Variants in SLC35B2 observed in about 807,000 individuals in gnomAD.
SLC35B2 encodes adenosine 3'-phospho 5'-phosphosulfate transporter 1.
Under a neutral mutation model 37.9 loss-of-function variants are expected in SLC35B2, and 19 were observed. The observed-to-expected ratio is 0.50, with a 90% CI of 0.35 to 0.74. SLC35B2 has a LOEUF of 0.74. SLC35B2 is among the 30% of genes least tolerant of loss of function. The pLI, the probability that SLC35B2 is intolerant of heterozygous loss-of-function variation, is 0.01. For synonymous variants in SLC35B2, 277 were observed against 225.2 expected (o/e 1.23, Z -2.06); for missense variants, 633 against 547.6 (o/e 1.16, Z -1.56).
At position 44,254,915 on chromosome 6, in the gene SLC35B2, C is replaced by T; in HGVS notation, c.1090G>A (p.Ala364Thr). The T allele has an allele frequency of 6.2e-7, 1 of 1,614,176 alleles. No homozygotes were observed. Among genetic ancestry groups the T allele is most frequent in the Non-Finnish European group, 8.5e-7 (1 of 1,180,024 alleles). The change falls in exon 4 of 4, where the codon GCT becomes ACT. Residue 364 changes from alanine (A) to threonine (T), a missense_variant. By Grantham distance (58) the Ala-to-Thr change is moderately conservative. Transcript: ENST00000393812. ...FIFYTIGQFGAAVFTIIMTLR... is the reference protein window; with the variant it reads ...FIFYTIGQFGTAVFTIIMTLR... ...GTCATGATGATGGTGAAGACGGCAG[C>T]CCCAAACTGCCCAATGGTGTAAAAG...
In SLC35B2 at chr6:44,257,454, T is replaced by G. The variant is rs1273350138; in HGVS notation, c.-44A>C. On this transcript the variant is annotated 5_prime_UTR_variant, in exon 1 of 4. Transcript: ENST00000393812. ...TGGAGGGGGAACCGGGGAATGCGAGTCCCCGGGCCGCGCGCCCCCTGCGCT... is the reference window on the plus strand; with the variant it reads ...TGGAGGGGGAACCGGGGAATGCGAGGCCCCGGGCCGCGCGCCCCCTGCGCT... 2 of 1,244,684 alleles carry G rather than the reference T, an allele frequency of 1.6e-6. No homozygotes were observed. The highest frequency in any genetic ancestry group is 2.0e-6 in the Non-Finnish European group (2 of 987,672). The allele number at this position is 1,244,684 out of a possible 1,614,324, so 77.1% of individuals were successfully genotyped here.
rs760851221 is a variant in SLC35B2, at chr6:44,254,784, GAGC to G, written c.1218_1220del (p.Leu407del). On this transcript the variant is annotated inframe_deletion, in exon 4 of 4. Transcript: ENST00000393812. ...TTAGACGGCCCCGCGCGTAGACTCT[GAGC>G]AGGAGGGCAGCAAAGACCACAGCCA... The G allele has an allele frequency of 1.2e-6, 2 of 1,614,170 alleles. No individual in the cohort carries two copies. The highest frequency in any genetic ancestry group is 1.7e-6 in the Non-Finnish European group (2 of 1,180,026).
chr6:44,254,317 CTT>C lies in SLC35B2; in HGVS notation c.*387_*388del. Reference sequence around the variant, plus strand: ...AGCATTGGAGCCTACACCGCTTGTGCTTTTCTCACCAGGGTAAGAAATGCAGG... The same window carrying C: ...AGCATTGGAGCCTACACCGCTTGTGCTTCTCACCAGGGTAAGAAATGCAGG... On this transcript the variant is annotated 3_prime_UTR_variant, in exon 4 of 4. Coordinates refer to ENST00000393812, the MANE Select transcript of SLC35B2 (RefSeq NM_178148.4). 4.6e-6 allele frequency: 1 copy of C among 219,596 alleles called. No homozygotes were observed. Among genetic ancestry groups the C allele is most frequent in the Middle Eastern group, 4.7e-4 (1 of 2,130 alleles). The allele number at this position is 219,596 out of a possible 1,614,324, so 13.6% of individuals were successfully genotyped here. A position where few individuals can be genotyped will look rare whatever the true frequency, so the allele number is the denominator to read the frequency against.
At chr6:44,257,148 A>G in intron 1 of SLC35B2, 1 of 509,088 alleles carries the variant, frequency 2.0e-6, no homozygotes, top group Non-Finnish European at 3.3e-6. Flanking sequence ...CCGGCTGCTC[A>G]GGTCAGAGGA....
In SLC35B2 at chr6:44,254,723, G is replaced by T; in HGVS notation, c.1282C>A (p.Pro428Thr). The T allele has an allele frequency of 1.2e-6, 2 of 1,612,390 alleles. No homozygotes were observed. Among genetic ancestry groups the T allele is most frequent in the East Asian group, 2.2e-5 (1 of 44,850 alleles). ...RGKKAVPVES[P>T]VQKV ...TTCCACCCTCAAACCTTCTGCACAG[G>T]AGACTCAACAGGCACAGCCTTCTTT... The change falls in exon 4 of 4, where the codon CCT becomes ACT. Residue 428 changes from proline to threonine, a missense_variant. Physicochemically the swap from Pro to Thr is conservative, Grantham distance 38. Transcript: ENST00000393812.
rs925638052 is a variant in SLC35B2 at position 44,254,512 on chromosome 6, T to C, written c.*194A>G. 7 of 626,904 alleles carry C rather than the reference T, an allele frequency of 1.1e-5. No individual in the cohort carries two copies. Among genetic ancestry groups the C allele is most frequent in the Non-Finnish European group, 1.9e-5 (7 of 367,144 alleles). The allele number at this position is 626,904 out of a possible 1,614,324, so 38.8% of individuals were successfully genotyped here. ...CCCCCGGGGCTCAGAATAAACTGCT[T>C]ACTGGAAGATGGGTGACTTAAGGCA... On this transcript the variant is annotated 3_prime_UTR_variant, in exon 4 of 4. Coordinates refer to ENST00000393812, the MANE Select transcript of SLC35B2 (RefSeq NM_178148.4).
chr6:44,254,898 G>T lies in SLC35B2; in HGVS notation c.1107C>A (p.Ile369=). The T allele has an allele frequency of 6.2e-7, 1 of 1,614,236 alleles. No individual in the cohort carries two copies. Among genetic ancestry groups the T allele is most frequent in the South Asian group, 1.1e-5 (1 of 91,084 alleles). ...IGQFGAAVFT[I]IMTLRQAFAI... is the part of the protein sequence containing the mutation. ...CAAAGGCCTGGCGGAGGGTCATGAT[G>T]ATGGTGAAGACGGCAGCCCCAAACT... is the stretch of plus-strand genomic sequence containing the variant. The change falls in exon 4 of 4, where the codon ATC becomes ATA. Residue 369 remains isoleucine (I), a synonymous_variant. Transcript: ENST00000393812.
chr6:44,254,825 C>G lies in SLC35B2; in HGVS notation c.1180G>C (p.Gly394Arg). The stretch of plus-strand genomic sequence containing the variant: ...AAGACCACAGCCACCCCCAGCCCTC[C>G]CACCACAGTGACAGTGTGGCCATAG... Reference protein sequence around the residue: ...LLYGHTVTVVGGLGVAVVFAA... With the variant: ...LLYGHTVTVVRGLGVAVVFAA... Residue 394 changes from glycine (G) to arginine (R), a missense_variant, in exon 4 of 4, where the codon GGA becomes CGA. Coordinates refer to ENST00000393812, the MANE Select transcript of SLC35B2 (RefSeq NM_178148.4). 1 of 1,614,196 alleles carries G rather than the reference C, an allele frequency of 6.2e-7. No individual in the cohort carries two copies. Among genetic ancestry groups the G allele is most frequent in the Non-Finnish European group, 8.5e-7 (1 of 1,180,042 alleles).
Position 44,256,802 on chromosome 6 carries a change from A to G in SLC35B2, c.88T>C (p.Ser30Pro), listed in dbSNP as rs746204681. ...GGETPEAPPE[S>P]WTQLWFFRFV... ...CGGAAGAACCATAGCTGGGTCCATG[A>G]CTCCGGAGGGGCTTCGGGAGTCTCC... Residue 30 changes from serine (S) to proline (P), a missense_variant, in exon 2 of 4, where the codon TCA becomes CCA. By Grantham distance (74) the Ser-to-Pro change is moderately conservative. Coordinates refer to ENST00000393812, the MANE Select transcript of SLC35B2 (RefSeq NM_178148.4). The G allele has an allele frequency of 3.1e-6, 5 of 1,614,000 alleles. No homozygotes were observed. The highest frequency in any genetic ancestry group is 1.7e-4 in the Middle Eastern group (1 of 6,056).
chr6:44,255,148 G>A lies in SLC35B2; in HGVS notation c.857C>T (p.Ser286Leu). Residue 286 changes from serine to leucine, a missense_variant, in exon 4 of 4, where the codon TCA becomes TTA. Ser to Leu is a moderately radical substitution (Grantham distance 145). Transcript: ENST00000393812. ...GGCAAACAGGGCATCCTGCCAGTTT[G>A]AGGTGAAGCTGTCAAAAGCAATATA... ...AGYIAFDSFT[S>L]NWQDALFAYK... is the part of the protein sequence containing the mutation. The A allele has an allele frequency of 1.2e-6, 2 of 1,614,244 alleles. No homozygotes were observed. The highest frequency in any genetic ancestry group is 2.2e-5 in the East Asian group (1 of 44,882).
intron 1 of SLC35B2, 44 bp from the exon 2 acceptor site, chr6:44,256,922 C>G: frequency 6.4e-7 from 1 of 1,557,428 alleles, no homozygotes; most frequent in Non-Finnish European, 8.7e-7. Flanking sequence ...AGCTCCTCAT[C>G]CCCTCCGCCC....
Position 44,256,382 on chromosome 6 carries a change from C to G in SLC35B2, c.320G>C (p.Trp107Ser). Residue 107 changes from tryptophan (W) to serine (S), a missense_variant, in exon 3 of 4, where the codon TGG (tryptophan) becomes TCG (serine). Transcript: ENST00000393812. The stretch of plus-strand genomic sequence containing the variant: ...ACAGAAGAGCAGCTTCAGGGCCTGC[C>G]ACATCGGGGTGGTCTCTGCCGCCTC... ...RTEAAETTPM[W>S]QALKLLFCAT... The G allele has an allele frequency of 6.2e-7, 1 of 1,614,152 alleles. No individual in the cohort carries two copies. The highest frequency in any genetic ancestry group is 8.5e-7 in the Non-Finnish European group (1 of 1,180,026).
At chr6:44,256,158 AAAGG>A (rs1413172478) in intron 3 of SLC35B2, among the ~76,000 whole-genome samples, 180 bp downstream of exon 3, 1 of 152,234 alleles carries the variant, frequency 6.6e-6, no homozygotes, top group Non-Finnish European at 1.5e-5. Flanking sequence ...GGAGAGGAGA[AAAGG>A]AAGAAACAAA....
In SLC35B2 at chr6:44,254,841, G is replaced by A; in HGVS notation, c.1164C>T (p.His388=). Residue 388 remains histidine (H), a synonymous_variant, in exon 4 of 4, where the codon CAC becomes CAT. Coordinates refer to ENST00000393812, the MANE Select transcript of SLC35B2 (RefSeq NM_178148.4). ...AILLSCLLYG[H]TVTVVGGLGV... is the part of the protein sequence containing the mutation. ...CCAGCCCTCCCACCACAGTGACAGT[G>A]TGGCCATAGAGAAGGCAGGAAAGAA... The A allele has an allele frequency of 6.2e-7, 1 of 1,614,212 alleles. No homozygotes were observed. The highest frequency in any genetic ancestry group is 8.5e-7 in the Non-Finnish European group (1 of 1,180,038).
chr6:44,255,700 C>T, intron 3 of SLC35B2, 56 bp from the exon 4 acceptor site: 1 of 1,492,308 alleles, frequency 6.7e-7, no homozygotes, highest in Non-Finnish European at 9.0e-7. Flanking sequence ...AAAAGGTAGA[C>T]AAAAATTGAC....
chr6:44,256,273 G>A, intron 3 of SLC35B2, 69 bp downstream of exon 3: 1 of 1,545,720 alleles, frequency 6.5e-7, no homozygotes, highest in Non-Finnish European at 8.7e-7. Flanking sequence ...CTGGTAAAAT[G>A]GAAACCTTCA....
Position 44,255,460 on chromosome 6 carries a change from G to T in SLC35B2, c.545C>A (p.Pro182His). The part of the protein sequence containing the change: ...VLCKQPRHGA[P>H]MYRYSFASLS... ...GCTGGCAAAGGAGTACCGGTACATG[G>T]GTGCCCCATGCCGGGGCTGCTTGCA... The change falls in exon 4 of 4, where the codon CCC becomes CAC. Residue 182 changes from proline to histidine, a missense_variant. Coordinates refer to ENST00000393812, the MANE Select transcript of SLC35B2 (RefSeq NM_178148.4). 6.2e-7 allele frequency: 1 copy of T among 1,614,218 alleles called. No individual in the cohort carries two copies. Among genetic ancestry groups the T allele is most frequent in the African/African-American group, 1.3e-5 (1 of 75,054 alleles).
rs181155218 is a variant in SLC35B2 at position 44,255,963 on chromosome 6, G to C, written c.361-319C>G. On this transcript the variant is annotated intron_variant, in intron 3 of 3. Coordinates refer to ENST00000393812, the MANE Select transcript of SLC35B2 (RefSeq NM_178148.4). ...GCATGTTAGCACTCTCTCACATGCA[G>C]TACTGGGGGAAGGCTGAATGGCTCC... Among the ~76,000 whole-genome samples the C allele has an allele frequency of 4.0e-3, 548 of 138,598 alleles. 3 individuals are homozygous for C. Among genetic ancestry groups the C allele is most frequent in the African/African-American group, 0.013 (476 of 36,806 alleles). 90.9% of individuals were successfully genotyped at this position (138,598 alleles called of 152,430 possible).
rs1158385900 is a variant in SLC35B2, at chr6:44,254,942, T to TG, written c.1062dup (p.Ile355HisfsTer72). Reference sequence around the variant, plus strand: ...CCAAACTGCCCAATGGTGTAAAAGATGAAGAGCTGGCCACATGCGGAGCAG... The same window carrying TG: ...CCAAACTGCCCAATGGTGTAAAAGATGGAAGAGCTGGCCACATGCGGAGCAG... On this transcript the variant is annotated frameshift_variant, in exon 4 of 4. Coordinates refer to ENST00000393812, the MANE Select transcript of SLC35B2 (RefSeq NM_178148.4). LOFTEE classifies it high-confidence loss of function. The TG allele has an allele frequency of 6.2e-7, 1 of 1,613,972 alleles. No homozygotes were observed. The highest frequency in any genetic ancestry group is 1.3e-5 in the African/African-American group (1 of 74,870).
Sources: allele counts gnomAD v4.1 joint callset (sites outside exome capture counted in the v4.1 genomes callset), GRCh38; gene constraint gnomAD v4.1.1; transcripts MANE v1.5; gene names NCBI Gene and HGNC (gene_info 2026-07-23, HGNC 2026-07-21).